The following SERINC1 variants were observed in gnomAD, a reference collection of about 807,000 sequenced individuals.
SERINC1 encodes the protein serine incorporator 1, also known as tumor differentially expressed protein 2.
Under a neutral mutation model 52.9 loss-of-function variants are expected in SERINC1, and 38 were observed. That is an observed-to-expected ratio of 0.72 (90% CI 0.55 to 0.94). The LOEUF (loss-of-function observed/expected upper bound fraction) is 0.94. Among genes scored for constraint, SERINC1 ranks in the 40% least tolerant of loss-of-function variants. The probability of loss-of-function intolerance (pLI) is 0.00; values close to 1 mark genes in which losing one functional copy is unlikely to be tolerated. For synonymous variants in SERINC1, 198 were observed against 183.1 expected (o/e 1.08, Z -0.66); for missense variants, 471 against 533.9 (o/e 0.88, Z 1.16).
intron 1 of SERINC1, among the ~76,000 whole-genome samples, chr6:122,468,388 G>T (rs1237353376): frequency 6.6e-6 from 1 of 152,136 alleles, no homozygotes; most frequent in Non-Finnish European, 1.5e-5. Context: ...CTCACCCCAG[G>T]TTGTGACAAT....
chr6:122,467,520 C>T (rs917682008), intron 1 of SERINC1, among the ~76,000 whole-genome samples: 1 of 152,242 alleles, frequency 6.6e-6, no homozygotes, highest in African/African-American at 2.4e-5. Flanking sequence ...GCAAGCGAAT[C>T]ACTTGAACCC....
intron 2 of SERINC1, among the ~76,000 whole-genome samples, chr6:122,458,018 C>CT (rs1775031212): frequency 6.6e-6 from 1 of 152,046 alleles, no homozygotes; most frequent in Non-Finnish European, 1.5e-5. Flanking sequence ...TATTTCAGTG[C>CT]TAGGCTCAGT....
At chr6:122,465,990 C>A (rs1418267285) in intron 1 of SERINC1, among the ~76,000 whole-genome samples, 1 of 152,076 alleles carries the variant, frequency 6.6e-6, no homozygotes, top group Non-Finnish European at 1.5e-5. Context: ...AATCCCAGCA[C>A]TTTGGGAGGC....
chr6:122,453,704 G>A, intron 5 of SERINC1, 66 bp downstream of exon 5: 1 of 1,335,968 alleles, frequency 7.5e-7, no homozygotes, highest in Non-Finnish European at 1.0e-6. Context: ...GATTTACCTA[G>A]TCTACATATC....
chr6:122,470,886 C>G (rs1775280483), intron 1 of SERINC1, among the ~76,000 whole-genome samples: 1 of 151,872 alleles, frequency 6.6e-6, no homozygotes, highest in South Asian at 2.1e-4. Flanking sequence ...CAGAGATTAT[C>G]TTAAATAAAC....
chr6:122,456,668 T>C lies in SERINC1; in HGVS notation c.202-18A>G, dbSNP rs764242291. 3 of 1,528,086 alleles carry C rather than the reference T, an allele frequency of 2.0e-6. No individual in the cohort carries two copies. The highest frequency in any genetic ancestry group is 1.8e-6 in the Non-Finnish European group (2 of 1,139,066). The allele number at this position is 1,528,086 out of a possible 1,614,324, so 94.7% of individuals were successfully genotyped here. A position where few individuals can be genotyped will look rare whatever the true frequency, so the allele number is the denominator to read the frequency against. On this transcript the variant is annotated intron_variant, in intron 2 of 9. Transcript: ENST00000339697. ...CCAGGAATCTAGAAAAACAAAAGAGTTTATGATCCATCATTTTTTTTCATT... is the reference window on the plus strand; with the variant it reads ...CCAGGAATCTAGAAAAACAAAAGAGCTTATGATCCATCATTTTTTTTCATT...
intron 1 of SERINC1, among the ~76,000 whole-genome samples, chr6:122,468,849 A>G (rs1456168771): frequency 6.6e-6 from 1 of 152,132 alleles, no homozygotes. Context: ...TAACGACTTA[A>G]CTAAACTAAA....
intron 3 of SERINC1, among the ~76,000 whole-genome samples, chr6:122,455,564 T>C (rs1187837833): frequency 1.3e-5 from 2 of 152,160 alleles, no homozygotes; most frequent in Admixed American, 6.5e-5. Flanking sequence ...TTGTGGGACC[T>C]TGAGATCATG....
chr6:122,447,336 T>C (rs1275336745), intron 7 of SERINC1, 71 bp from the exon 8 acceptor site: 4 of 1,230,384 alleles, frequency 3.3e-6, no homozygotes, highest in Non-Finnish European at 4.7e-6. Flanking sequence ...ACAAAAGTTA[T>C]TTTTAACTCT....
chr6:122,445,608 CAG>C (rs1197168448), intron 9 of SERINC1, among the ~76,000 whole-genome samples: 2 of 139,668 alleles, frequency 1.4e-5, no homozygotes, highest in African/African-American at 5.2e-5. Context: ...TGGTATGACT[CAG>C]AGATATCTCC....
chr6:122,466,135 G>C (rs1775186619), intron 1 of SERINC1, among the ~76,000 whole-genome samples: 1 of 152,142 alleles, frequency 6.6e-6, no homozygotes, highest in Non-Finnish European at 1.5e-5. Flanking sequence ...TCAGAAGGCT[G>C]AGGCATTTGA....
intron 1 of SERINC1, among the ~76,000 whole-genome samples, chr6:122,463,108 A>G (rs935863782): frequency 6.6e-6 from 1 of 152,240 alleles, no homozygotes; most frequent in Non-Finnish European, 1.5e-5. Flanking sequence ...AAAAGGGTGG[A>G]CACACTAAGT....
chr6:122,451,632 C>T (rs1774904913), intron 7 of SERINC1, 32 bp downstream of exon 7: 2 of 807,374 alleles, frequency 2.5e-6, no homozygotes, highest in Non-Finnish European at 4.0e-6. Context: ...ACTGCAGAAC[C>T]TTTAGGAACA....
intron 1 of SERINC1, among the ~76,000 whole-genome samples, chr6:122,470,516 C>T (rs1775268153): frequency 6.6e-6 from 1 of 152,160 alleles, no homozygotes. Context: ...CTGTTTATCA[C>T]ACTAAATATG....
At chr6:122,451,610 G>A in intron 7 of SERINC1, 54 bp downstream of exon 7, 5 of 688,398 alleles carry the variant, frequency 7.3e-6, no homozygotes, top group South Asian at 1.8e-5. Flanking sequence ...GACAATTTCT[G>A]GAAAAACAAC....
intron 7 of SERINC1, 96 bp downstream of exon 7, chr6:122,451,568 C>A: frequency 4.3e-6 from 2 of 461,030 alleles, no homozygotes; most frequent in Non-Finnish European, 3.9e-6. Flanking sequence ...CCTCTAGAAG[C>A]CTAATTTTTA....
At position 122,451,857 on chromosome 6, in the gene SERINC1, T is replaced by C. The variant is rs531371215; in HGVS notation, c.759+31A>G. 2.7e-5 allele frequency: 38 copies of C among 1,427,776 alleles called. 1 individual carries two copies. In the South Asian group the frequency reaches 6.1e-4, roughly 23 times the overall value. The allele number at this position is 1,427,776 out of a possible 1,614,324, so 88.4% of individuals were successfully genotyped here. ...TTTGAAAACTTAAAAAGGTATAAGC[T>C]TCATAAAAACTAATGCTTTAAAGGG... On this transcript the variant is annotated intron_variant, in intron 6 of 9. Coordinates refer to ENST00000339697, the MANE Select transcript of SERINC1 (RefSeq NM_020755.4).
chr6:122,449,049 T>C lies in SERINC1; in HGVS notation c.851-1784A>G, dbSNP rs573167109. The stretch of plus-strand genomic sequence containing the variant: ...TTTCGGGCACCACAAATCACACCCA[T>C]ATAAGATGGTGAAATAATCGACAAA... On this transcript the variant is annotated intron_variant, in intron 7 of 9. Transcript: ENST00000339697. Among the ~76,000 whole-genome samples the C allele has an allele frequency of 3.9e-5, 6 of 152,296 alleles. No homozygotes were observed. The South Asian group carries it at 1.2e-3, about 32-fold the overall frequency.
At chr6:122,465,597 G>A (rs557998968) in intron 1 of SERINC1, among the ~76,000 whole-genome samples, 1 of 152,112 alleles carries the variant, frequency 6.6e-6, no homozygotes, top group Non-Finnish European at 1.5e-5. Context: ...TCTGCATTAG[G>A]CTTCCACAAT....
Sources: allele counts gnomAD v4.1 joint callset (sites outside exome capture counted in the v4.1 genomes callset), GRCh38; gene constraint gnomAD v4.1.1; transcripts MANE v1.5; gene names NCBI Gene and HGNC (gene_info 2026-07-23, HGNC 2026-07-21).